MGST1: variants seen among roughly 807,000 people sequenced by gnomAD.
MGST1 encodes the protein glutathione S-transferase 12.
In MGST1, 5 loss-of-function variants were observed where a neutral mutation model predicts 8.9. That is an observed-to-expected ratio of 0.56 (90% confidence interval 0.29 to 1.19). The LOEUF (loss-of-function observed/expected upper bound fraction) is 1.19. Ranked by LOEUF, MGST1 falls within the 50% of genes most tolerant of loss-of-function variation. The pLI is 0.08. For synonymous variants in MGST1, 54 were observed against 67.8 expected (o/e 0.80, Z 1.00); for missense variants, 182 against 187.4 (o/e 0.97, Z 0.17).
chr12:16,471,849 C>T (rs1206523313), intron 4 of MGST1, among the ~76,000 whole-genome samples: 2 of 152,094 alleles, frequency 1.3e-5, no homozygotes, highest in Non-Finnish European at 2.9e-5. Context: ...ATTTCATGAT[C>T]TGTCTCTGAA....
In MGST1 at chr12:16,363,206, G is replaced by A. The variant is rs190789252; in HGVS notation, c.222-589G>A. 6.6e-6 allele frequency: 1 copy of A among 152,274 alleles called. No individual in the cohort carries two copies. The highest frequency in any genetic ancestry group is 6.5e-5 in the Admixed American group (1 of 15,284). The allele number at this position is 152,274 out of a possible 1,614,324, so 9.4% of individuals were successfully genotyped here. On this transcript the variant is annotated intron_variant, in intron 3 of 3. Transcript: ENST00000396210. The surrounding 1 kb of genome is among the most constrained non-coding windows in gnomAD (Gnocchi z 4.6). ...GAATTTATTTGGCATTTGGAAGATAGGTTAGCAAAAATTTTACTATATTTG... is the reference window on the plus strand; with the variant it reads ...GAATTTATTTGGCATTTGGAAGATAAGTTAGCAAAAATTTTACTATATTTG...
intron 2 of MGST1, 121 bp from the exon 3 acceptor site, chr12:16,357,484 A>G (rs2075240): frequency 0.087 from 64,039 of 740,314 alleles, 3,779 homozygotes; most frequent in East Asian, 0.25. Flanking sequence ...GCCCAGGCTG[A>G]TCTTGAATTC....
In MGST1 at chr12:16,513,495, T is replaced by C; in HGVS notation, n.483-76033T>C. On this transcript the variant is annotated intron_variant and non_coding_transcript_variant, in intron 4 of 4. Transcript: ENST00000538857. This position sits in a 1 kb window ranked among gnomAD's most constrained non-coding sequence, Gnocchi z 4.2. Reference sequence around the variant, plus strand: ...CCAGAGCCAGCTCCTGGTGGACCCATGTGGAGATGGGACCACCAGATCCCA... The same window carrying C: ...CCAGAGCCAGCTCCTGGTGGACCCACGTGGAGATGGGACCACCAGATCCCA... 1 of 464,936 alleles carries C rather than the reference T, an allele frequency of 2.2e-6. No homozygotes were observed. The highest frequency in any genetic ancestry group is 4.4e-6 in the Non-Finnish European group (1 of 228,240). The allele number at this position is 464,936 out of a possible 1,614,324, so 28.8% of individuals were successfully genotyped here.
intron 1 of MGST1, among the ~76,000 whole-genome samples, chr12:16,404,845 C>G (rs1264060189): frequency 1.3e-5 from 2 of 152,176 alleles, no homozygotes; most frequent in East Asian, 3.8e-4. Flanking sequence ...TTGCTTTCCT[C>G]TGGCTCTGAG....
intron 4 of MGST1, among the ~76,000 whole-genome samples, chr12:16,573,131 A>T (rs2137461832): frequency 6.6e-6 from 1 of 152,222 alleles, no homozygotes; most frequent in Non-Finnish European, 1.5e-5. Flanking sequence ...GTCAAATCAC[A>T]GATAGGAAAA....
rs1387563566 is a variant in MGST1 at position 16,373,575 on chromosome 12, AAAAAT to A, written c.222-2538_222-2534del. 8.5e-5 allele frequency among the ~76,000 whole-genome samples: 13 copies of A among 152,138 alleles called. No homozygotes were observed. The South Asian group carries it at 1.9e-3, about 22-fold the overall frequency. ...AAAATAAATAAAAATTTTTAAGAAG[AAAAAT>A]AAAATAAAGTATTTACTCTGGCCTT... is the stretch of plus-strand genomic sequence containing the variant. On this transcript the variant is annotated intron_variant, in intron 3 of 3. Coordinates refer to the MGST1 transcript ENST00000535309.
chr12:16,566,426 AT>A (rs1250976886), intron 4 of MGST1, among the ~76,000 whole-genome samples: 1 of 152,108 alleles, frequency 6.6e-6, no homozygotes, highest in African/African-American at 2.4e-5. Context: ...ACACAAAAAA[AT>A]GATAAATAAT....
chr12:16,438,314 C>T (rs1013483729), exon 2 of MGST1: 3 of 151,876 alleles, frequency 2.0e-5, no homozygotes, highest in Non-Finnish European at 4.4e-5. Flanking sequence ...AACCCTCAGC[C>T]ACTGGGATAA....
chr12:16,543,367 A>G (rs1941803420), intron 4 of MGST1, among the ~76,000 whole-genome samples: 1 of 152,070 alleles, frequency 6.6e-6, no homozygotes, highest in Admixed American at 6.6e-5. Context: ...TGAATCCTCA[A>G]TTTACTGTCC....
intron 1 of MGST1, among the ~76,000 whole-genome samples, chr12:16,431,060 G>T (rs1005926323): frequency 6.6e-6 from 1 of 152,176 alleles, no homozygotes; most frequent in Non-Finnish European, 1.5e-5. Flanking sequence ...TATTAACATG[G>T]CATCTCTCCT....
chr12:16,408,685 A>G (rs887967996), intron 1 of MGST1, among the ~76,000 whole-genome samples: 4 of 151,986 alleles, frequency 2.6e-5, no homozygotes, highest in Non-Finnish European at 5.9e-5. Flanking sequence ...CTTCTGGAAA[A>G]CTTTTAGCTA....
At chr12:16,348,641 T>A (rs373438719) in intron 1 of MGST1, among the ~76,000 whole-genome samples, 3 of 151,992 alleles carry the variant, frequency 2.0e-5, no homozygotes, top group East Asian at 3.9e-4. Flanking sequence ...CAGTGAGCAA[T>A]CCTTAAAGCC....
At chr12:16,448,374 C>T (rs997690346) in intron 4 of MGST1, among the ~76,000 whole-genome samples, 2 of 151,666 alleles carry the variant, frequency 1.3e-5, no homozygotes, top group East Asian at 3.9e-4. Flanking sequence ...CTACTTAAAA[C>T]ATAAAGCAGT....
chr12:16,418,326 G>C (rs1022371103), intron 1 of MGST1, among the ~76,000 whole-genome samples: 9 of 152,276 alleles, frequency 5.9e-5, no homozygotes, highest in South Asian at 2.1e-4. Context: ...GTTCTTTGCA[G>C]CATATCCTGC....
rs1214459160 is a variant in MGST1 at position 16,586,325 on chromosome 12, C to G, written n.483-3203C>G. ...ACGATGAAGTCCACATACGGAACAA[C>G]TAAGAAACAACTAAAACACGTGCAT... On this transcript the variant is annotated intron_variant and non_coding_transcript_variant, in intron 4 of 4. Coordinates refer to the MGST1 transcript ENST00000538857. This position sits in a 1 kb window ranked among gnomAD's most constrained non-coding sequence, Gnocchi z 4.3. 6.6e-6 allele frequency among the ~76,000 whole-genome samples: 1 copy of G among 152,142 alleles called. No homozygotes were observed. Among genetic ancestry groups the G allele is most frequent in the Admixed American group, 6.6e-5 (1 of 15,248 alleles).
At position 16,503,490 on chromosome 12, in the gene MGST1, G is replaced by A. The variant is rs984642096; in HGVS notation, n.483-86038G>A. Reference sequence around the variant, plus strand: ...CTGTTGTCTTTCTTTCCCTTTAACTGCCTTTGTTATTAGGATGAAGGATAA... The same window carrying A: ...CTGTTGTCTTTCTTTCCCTTTAACTACCTTTGTTATTAGGATGAAGGATAA... On this transcript the variant is annotated intron_variant and non_coding_transcript_variant, in intron 4 of 4. Transcript: ENST00000538857. This position sits in a 1 kb window ranked among gnomAD's most constrained non-coding sequence, Gnocchi z 4.8. 6.6e-6 allele frequency among the ~76,000 whole-genome samples: 1 copy of A among 152,196 alleles called. No individual in the cohort carries two copies. The highest frequency in any genetic ancestry group is 2.1e-4 in the South Asian group (1 of 4,822).
intron 4 of MGST1, among the ~76,000 whole-genome samples, chr12:16,541,177 CAAATT>C (rs545336129): frequency 1.8e-4 from 28 of 152,098 alleles, no homozygotes; most frequent in African/African-American, 5.3e-4. Context: ...AAGTAAATAT[CAAATT>C]AAATAACTTT....
chr12:16,533,626 C>T (rs549296378), intron 4 of MGST1, among the ~76,000 whole-genome samples: 1 of 151,940 alleles, frequency 6.6e-6, no homozygotes, highest in South Asian at 2.1e-4. Context: ...CATTGTCCAA[C>T]TGATTGATTG....
chr12:16,366,861 G>C (rs1413629725), downstream of MGST1, among the ~76,000 whole-genome samples: 2 of 152,118 alleles, frequency 1.3e-5, no homozygotes, highest in African/African-American at 4.8e-5. This position sits in a 1 kb window ranked among gnomAD's most constrained non-coding sequence, Gnocchi z 4.0. Flanking sequence ...ATCTATTATA[G>C]AGTCATCATC....
Sources: allele counts gnomAD v4.1 joint callset (sites outside exome capture counted in the v4.1 genomes callset), GRCh38; gene constraint gnomAD v4.1.1; non-coding constraint Gnocchi (gnomAD v3.1); transcripts MANE v1.5; gene names NCBI Gene and HGNC (gene_info 2026-07-23, HGNC 2026-07-21).